Variants in FREM1 observed in about 807,000 individuals in gnomAD.
FREM1 encodes the protein FRAS1 related extracellular matrix 1, also known as FRAS1-related extracellular matrix protein 1.
In FREM1, 220 loss-of-function variants were observed where a neutral mutation model predicts 210.1. That is an observed-to-expected ratio of 1.05 (90% CI 0.94 to 1.17). The LOEUF (loss-of-function observed/expected upper bound fraction) is 1.17, where lower values mean the gene tolerates loss of function less well. FREM1 is among the 50% of genes most tolerant of loss of function. The pLI is 0.00. For missense variants in FREM1, 3,454 were observed against 2,675.5 expected (o/e 1.29, Z -6.42); for synonymous variants, 1,189 against 980.2 (o/e 1.21, Z -3.98).
intron 10 of FREM1, among the ~76,000 whole-genome samples, chr9:14,827,092 A>C (rs2130884038): frequency 6.6e-6 from 1 of 152,354 alleles, no homozygotes; most frequent in Non-Finnish European, 1.5e-5. Context: ...AATTTGGAGA[A>C]GTAGGCTAGA....
chr9:14,794,573 G>C (rs1421231324), intron 21 of FREM1, among the ~76,000 whole-genome samples: 1 of 152,182 alleles, frequency 6.6e-6, no homozygotes, highest in Non-Finnish European at 1.5e-5. Flanking sequence ...AGGACCCAAA[G>C]CATCCTCTAC....
At chr9:14,796,348 T>C (rs1852379118) in intron 21 of FREM1, among the ~76,000 whole-genome samples, 1 of 152,228 alleles carries the variant, frequency 6.6e-6, no homozygotes, top group Non-Finnish European at 1.5e-5. Flanking sequence ...AAGAACCAGA[T>C]GCTTTTTTAC....
chr9:14,796,418 C>G (rs1052280154), intron 21 of FREM1, among the ~76,000 whole-genome samples: 1 of 152,200 alleles, frequency 6.6e-6, no homozygotes, highest in Non-Finnish European at 1.5e-5. Context: ...AGACTGTGTA[C>G]AGTTCTGTAT....
Position 14,861,340 on chromosome 9 carries a change from C to T in FREM1, c.330-1856G>A, listed in dbSNP as rs1230330412. Reference sequence around the variant, plus strand: ...ATATACACATATATACATATATACACATATATATACATATATACACATATA... The same window carrying T: ...ATATACACATATATACATATATACATATATATATACATATATACACATATA... On this transcript the variant is annotated intron_variant, in intron 3 of 36. Coordinates refer to ENST00000380880, the MANE Select transcript of FREM1 (RefSeq NM_001379081.2). 1.6e-4 allele frequency among the ~76,000 whole-genome samples: 20 copies of T among 122,458 alleles called. No individual in the cohort carries two copies. The South Asian group carries it at 3.6e-3, about 22-fold the overall frequency. 80.3% of individuals were successfully genotyped at this position (122,458 alleles called of 152,430 possible).
intron 10 of FREM1, among the ~76,000 whole-genome samples, chr9:14,834,810 A>G (rs1002408511): frequency 1.3e-5 from 2 of 152,208 alleles, no homozygotes; most frequent in African/African-American, 2.4e-5. Context: ...CTAAAATTCT[A>G]ATGCCTAAGT....
chr9:14,760,969 A>C (rs1473129184), intron 27 of FREM1, among the ~76,000 whole-genome samples: 1 of 152,168 alleles, frequency 6.6e-6, no homozygotes, highest in East Asian at 1.9e-4. Flanking sequence ...CTTTTATTCT[A>C]GATTTACAAA....
chr9:14,778,670 G>A (rs969733363), intron 24 of FREM1, among the ~76,000 whole-genome samples: 3 of 74,868 alleles, frequency 4.0e-5, no homozygotes, highest in African/African-American at 9.6e-5. Flanking sequence ...AGGGAGGGGA[G>A]GGAGGGGAGG....
chr9:14,770,449 C>T (rs1464582167), intron 26 of FREM1, among the ~76,000 whole-genome samples, 156 bp downstream of exon 26: 1 of 152,016 alleles, frequency 6.6e-6, no homozygotes, highest in Non-Finnish European at 1.5e-5. Context: ...AGCTTCAAAC[C>T]CTCTTTAGGA....
chr9:14,805,228 A>G (rs950836088), intron 18 of FREM1, 76 bp from the exon 19 acceptor site: 7 of 736,368 alleles, frequency 9.5e-6, no homozygotes, highest in East Asian at 7.7e-5. Context: ...CCTTAACCCA[A>G]TAATAGTCAA....
intron 10 of FREM1, among the ~76,000 whole-genome samples, chr9:14,834,767 C>A (rs1824219667): frequency 6.6e-6 from 1 of 152,076 alleles, no homozygotes; most frequent in South Asian, 2.1e-4. Context: ...TTTTGGTGAA[C>A]ACTAATATAT....
At chr9:14,797,728 G>A (rs1021084863) in intron 20 of FREM1, 86 bp from the exon 21 acceptor site, 1 of 1,157,658 alleles carries the variant, frequency 8.6e-7, no homozygotes, top group Non-Finnish European at 1.3e-6. Context: ...AATTTTCAAG[G>A]CAGGGGTATT....
At position 14,823,184 on chromosome 9, in the gene FREM1, G is replaced by A. The variant is rs779186914; in HGVS notation, c.2313C>T (p.Leu771=). The A allele has an allele frequency of 7.4e-6, 12 of 1,613,674 alleles. No homozygotes were observed. The Middle Eastern group carries it at 4.9e-4, about 66-fold the overall frequency. ...LHGICFNITI[L]PVDNQVPEAF... ...CCTCAGGAACTTGATTGTCCACTGG[G>A]AGGATTGTAATGTTAAAGCAGATCC... The change falls in exon 13 of 37, where the codon CTC becomes CTT. Residue 771 remains leucine, a synonymous_variant. Coordinates refer to ENST00000380880, the MANE Select transcript of FREM1 (RefSeq NM_001379081.2).
chr9:14,876,295 G>A (rs1237684208), intron 1 of FREM1, among the ~76,000 whole-genome samples: 1 of 152,196 alleles, frequency 6.6e-6, no homozygotes, highest in Non-Finnish European at 1.5e-5. Flanking sequence ...AGCCTACAGA[G>A]GCAGGCAGGT....
At chr9:14,884,031 C>T (rs957948107) in intron 1 of FREM1, among the ~76,000 whole-genome samples, 1 of 152,078 alleles carries the variant, frequency 6.6e-6, no homozygotes, top group Non-Finnish European at 1.5e-5. Flanking sequence ...GAGTTCGAGC[C>T]CAGCCTGACT....
In FREM1 at chr9:14,756,454, G is replaced by T. The variant is rs551754962; in HGVS notation, c.5335-8C>A. The T allele has an allele frequency of 1.5e-5, 23 of 1,572,814 alleles. No individual in the cohort carries two copies. The Middle Eastern group carries it at 5.0e-4, about 34-fold the overall frequency. On this transcript the variant is annotated splice_polypyrimidine_tract_variant and splice_region_variant and intron_variant, in intron 28 of 36. Transcript: ENST00000380880. ...AGCTGACACTTGGTTGACCTTAGGA[G>T]GGAAAAAAAAATCTTTTTAAGATAA...
chr9:14,788,948 C>T lies in FREM1; in HGVS notation c.4148G>A (p.Cys1383Tyr), dbSNP rs752603426. Residue 1383 changes from cysteine to tyrosine, a missense_variant, in exon 23 of 37, where the codon TGT becomes TAT. Physicochemically the swap from Cys to Tyr is radical, Grantham distance 194. Coordinates refer to ENST00000380880, the MANE Select transcript of FREM1 (RefSeq NM_001379081.2). ...TTCCATGTCCTTGATGGTGATTTGA[C>T]AGTCAAGAGCAGGGGACCTGTTGTT... is the stretch of plus-strand genomic sequence containing the variant. Reference protein sequence around the residue: ...DGNNRSPALDCQITIKDMEKG... With the variant: ...DGNNRSPALDYQITIKDMEKG... The T allele has an allele frequency of 6.2e-7, 1 of 1,612,702 alleles. No homozygotes were observed.
intron 18 of FREM1, among the ~76,000 whole-genome samples, chr9:14,805,866 T>C (rs893155900): frequency 6.6e-6 from 1 of 152,228 alleles, no homozygotes; most frequent in East Asian, 1.9e-4. Context: ...CAAGACCTAT[T>C]TAAGTATCTG....
intron 10 of FREM1, among the ~76,000 whole-genome samples, chr9:14,827,267 C>T (rs1383406410): frequency 6.6e-6 from 1 of 152,042 alleles, no homozygotes; most frequent in Non-Finnish European, 1.5e-5. Flanking sequence ...CTGATAAGGT[C>T]TTAGATGGAA....
At chr9:14,826,151 G>A (rs574209461) in intron 10 of FREM1, among the ~76,000 whole-genome samples, 1 of 145,378 alleles carries the variant, frequency 6.9e-6, no homozygotes, top group African/African-American at 2.6e-5. Context: ...GGAGTGCAGT[G>A]GTGCGATCTC....
Sources: allele counts gnomAD v4.1 joint callset (sites outside exome capture counted in the v4.1 genomes callset), GRCh38; gene constraint gnomAD v4.1.1; transcripts MANE v1.5; gene names NCBI Gene and HGNC (gene_info 2026-07-23, HGNC 2026-07-21).